MLIP: variants seen among roughly 807,000 people sequenced by gnomAD.
The protein encoded by MLIP is muscular LMNA-interacting protein.
A neutral mutation model predicts 84.8 loss-of-function variants in MLIP; 79 were observed. The observed-to-expected ratio is 0.93, with a 90% CI of 0.78 to 1.12. MLIP has a LOEUF of 1.12. Ranked by LOEUF, MLIP falls within the 50% of genes most tolerant of loss-of-function variation. MLIP has a pLI of 0.00. For synonymous variants in MLIP, 504 were observed against 463.0 expected (o/e 1.09, Z -1.14); for missense variants, 1,257 against 1,160.6 (o/e 1.08, Z -1.21).
chr6:54,204,219 C>A (rs1180384157), intron 11 of MLIP, among the ~76,000 whole-genome samples: 1 of 151,914 alleles, frequency 6.6e-6, no homozygotes, highest in African/African-American at 2.4e-5. Flanking sequence ...AAATTATAGA[C>A]CTCAAATTAA....
intron 1 of MLIP, among the ~76,000 whole-genome samples, chr6:54,021,042 A>T (rs1438641635): frequency 6.6e-6 from 1 of 152,198 alleles, no homozygotes. Flanking sequence ...AGAGTTGGAA[A>T]ATCTATATCT....
intron 12 of MLIP, among the ~76,000 whole-genome samples, chr6:54,233,388 T>C (rs954319664): frequency 2.3e-4 from 35 of 151,948 alleles, no homozygotes; most frequent in African/African-American, 7.7e-4. Flanking sequence ...TCCATGTGTT[T>C]TCATTGTTCA....
intron 1 of MLIP, among the ~76,000 whole-genome samples, chr6:54,052,645 A>G (rs1294530216): frequency 6.6e-6 from 1 of 152,218 alleles, no homozygotes; most frequent in Admixed American, 6.5e-5. Flanking sequence ...AATTAGTTTT[A>G]GCACACATTC....
chr6:54,191,473 T>TG (rs998923939), intron 10 of MLIP, among the ~76,000 whole-genome samples: 8 of 152,000 alleles, frequency 5.3e-5, no homozygotes, highest in African/African-American at 1.4e-4. Context: ...AGTGTGTGTG[T>TG]GGGGGGGCAA....
chr6:54,131,563 A>T (rs1177780651), intron 3 of MLIP, among the ~76,000 whole-genome samples: 1 of 148,488 alleles, frequency 6.7e-6, no homozygotes, highest in Non-Finnish European at 1.5e-5. Context: ...AAAGGAAGGA[A>T]TTCTATAAGG....
intron 9 of MLIP, among the ~76,000 whole-genome samples, chr6:54,175,667 C>T (rs940087738): frequency 6.6e-6 from 1 of 151,830 alleles, no homozygotes; most frequent in Non-Finnish European, 1.5e-5. Context: ...TAGGTTTTTC[C>T]AAATATAAGA....
chr6:54,157,100 T>A (rs548743223), intron 5 of MLIP, among the ~76,000 whole-genome samples: 1 of 152,202 alleles, frequency 6.6e-6, no homozygotes, highest in African/African-American at 2.4e-5. Context: ...TTCTTTGTGG[T>A]TAAAGAGCAG....
At chr6:54,177,838 T>C (rs560252559) in intron 9 of MLIP, among the ~76,000 whole-genome samples, 2 of 152,280 alleles carry the variant, frequency 1.3e-5, no homozygotes, top group South Asian at 2.1e-4. Context: ...ATGTGGTACA[T>C]ATACACCATG....
chr6:54,115,229 A>G (rs921144074), intron 1 of MLIP, among the ~76,000 whole-genome samples: 1 of 152,094 alleles, frequency 6.6e-6, no homozygotes, highest in African/African-American at 2.4e-5. Flanking sequence ...TCAGAAATAG[A>G]GTAGGTAGGG....
intron 9 of MLIP, among the ~76,000 whole-genome samples, chr6:54,183,557 T>C (rs544734523): frequency 9.9e-5 from 15 of 152,114 alleles, no homozygotes; most frequent in African/African-American, 3.6e-4. Flanking sequence ...AACTATGACT[T>C]TTACTGATCA....
chr6:54,129,080 T>C (rs1350502946), intron 3 of MLIP, among the ~76,000 whole-genome samples: 1 of 152,040 alleles, frequency 6.6e-6, no homozygotes, highest in Non-Finnish European at 1.5e-5. Context: ...ATAATGCAGG[T>C]CCTGACATGA....
intron 11 of MLIP, chr6:54,216,302 G>A (rs1779850472): frequency 1.0e-6 from 1 of 985,090 alleles, no homozygotes; most frequent in African/African-American, 1.7e-5. Context: ...TATTTTCTAT[G>A]TTACTTTTGA....
At chr6:54,198,898 A>ATG (rs1038018233) in intron 10 of MLIP, among the ~76,000 whole-genome samples, 3 of 82,400 alleles carry the variant, frequency 3.6e-5, no homozygotes, top group East Asian at 4.2e-4. Context: ...GTGTGTGTAT[A>ATG]TGTGTGTGTG....
intron 1 of MLIP, among the ~76,000 whole-genome samples, chr6:54,051,250 A>G (rs1765359167): frequency 1.3e-5 from 2 of 151,858 alleles, no homozygotes; most frequent in South Asian, 4.1e-4. Context: ...TGTTTTAGTC[A>G]TCTTTGTTTT....
chr6:54,123,749 T>C lies in MLIP; in HGVS notation c.253-724T>C, dbSNP rs1466081978. ...AAATAAGAAAATTAACATTGGGTCT[T>C]TTAAACACAATCTCAGTATACATGG... is the stretch of plus-strand genomic sequence containing the variant. On this transcript the variant is annotated intron_variant, in intron 2 of 13. Coordinates refer to ENST00000502396, the MANE Select transcript of MLIP (RefSeq NM_001281747.2). Among the ~76,000 whole-genome samples, 3 of 152,216 alleles carry C rather than the reference T, an allele frequency of 2.0e-5. 1 individual carries two copies. The highest frequency in any genetic ancestry group is 2.0e-4 in the Admixed American group (3 of 15,284).
chr6:54,037,361 A>G (rs115922286), intron 1 of MLIP, among the ~76,000 whole-genome samples: 4 of 152,028 alleles, frequency 2.6e-5, no homozygotes, highest in Non-Finnish European at 5.9e-5. Flanking sequence ...AAATAAGTCC[A>G]TATATGGGAT....
intron 1 of MLIP, among the ~76,000 whole-genome samples, chr6:54,035,773 G>A (rs1489849370): frequency 1.3e-5 from 2 of 151,900 alleles, no homozygotes; most frequent in Non-Finnish European, 2.9e-5. Flanking sequence ...TTTTGGTGAA[G>A]TGTCTGTTCA....
chr6:54,199,841 A>G (rs1778550848), intron 10 of MLIP, among the ~76,000 whole-genome samples: 1 of 152,142 alleles, frequency 6.6e-6, no homozygotes, highest in Non-Finnish European at 1.5e-5. Context: ...GGGAACATAT[A>G]CAATGTAAAA....
At chr6:54,172,016 G>A (rs940191686) in intron 9 of MLIP, among the ~76,000 whole-genome samples, 5 of 151,478 alleles carry the variant, frequency 3.3e-5, no homozygotes, top group Non-Finnish European at 5.9e-5. Flanking sequence ...AGCAGGGATC[G>A]TGCAGGTTAC....
Sources: allele counts gnomAD v4.1 joint callset (sites outside exome capture counted in the v4.1 genomes callset), GRCh38; gene constraint gnomAD v4.1.1; transcripts MANE v1.5; gene names NCBI Gene and HGNC (gene_info 2026-07-23, HGNC 2026-07-21).